FAM135B: variants seen among roughly 807,000 people sequenced by gnomAD.
The protein encoded by FAM135B is protein FAM135B.
Under a neutral mutation model 127.7 loss-of-function variants are expected in FAM135B, and 43 were observed. That is an observed-to-expected ratio of 0.34 (90% CI 0.26 to 0.43). The LOEUF (loss-of-function observed/expected upper bound fraction) is 0.43. Among genes scored for constraint, FAM135B ranks in the 20% least tolerant of loss-of-function variants. The probability of loss-of-function intolerance (pLI) is 1.00; values close to 1 mark genes in which losing one functional copy is unlikely to be tolerated. For synonymous variants in FAM135B, 670 were observed against 665.1 expected (o/e 1.01, Z -0.11); for missense variants, 1,558 against 1,725.6 (o/e 0.90, Z 1.72).
chr8:138,444,609 C>A (rs1296878482), intron 1 of FAM135B, among the ~76,000 whole-genome samples: 1 of 152,088 alleles, frequency 6.6e-6, no homozygotes, highest in Admixed American at 6.5e-5. Flanking sequence ...CCCACGAGAA[C>A]AAAGACACAA....
At chr8:138,358,676 C>A (rs948862760) in intron 2 of FAM135B, 6 of 152,150 alleles carry the variant, frequency 3.9e-5, no homozygotes, top group East Asian at 1.9e-4. Flanking sequence ...TTAAATGTCT[C>A]TGATTTTCTA....
At chr8:138,278,905 G>A (rs555663754) in intron 3 of FAM135B, among the ~76,000 whole-genome samples, 23 of 152,208 alleles carry the variant, frequency 1.5e-4, no homozygotes, top group Admixed American at 1.1e-3. Context: ...CTATACACGA[G>A]CAATATTGTT....
intron 1 of FAM135B, among the ~76,000 whole-genome samples, chr8:138,446,226 T>C (rs1836150986): frequency 6.6e-6 from 1 of 152,210 alleles, no homozygotes; most frequent in Non-Finnish European, 1.5e-5. Context: ...ATGGCCATAT[T>C]GCCCAAGGTA....
intron 12 of FAM135B, 24 bp downstream of exon 12, chr8:138,167,871 C>A: frequency 6.3e-7 from 1 of 1,591,204 alleles, no homozygotes; most frequent in South Asian, 1.1e-5. Flanking sequence ...ATTCCTGAGT[C>A]TTTCCAAAAC....
Position 138,198,881 on chromosome 8 carries a change from G to A in FAM135B, c.670-1212C>T, listed in dbSNP as rs74504144. 2.6e-4 allele frequency among the ~76,000 whole-genome samples: 40 copies of A among 152,326 alleles called. No individual in the cohort carries two copies. In the East Asian group the frequency reaches 7.7e-3, roughly 29 times the overall value. ...GTGTGGGAAAAGGCCTGGGCACAGAGATGGGAGTCCTTGAGTAGTATGCTC... is the reference window on the plus strand; with the variant it reads ...GTGTGGGAAAAGGCCTGGGCACAGAAATGGGAGTCCTTGAGTAGTATGCTC... On this transcript the variant is annotated intron_variant, in intron 7 of 19. Transcript: ENST00000395297.
intron 1 of FAM135B, among the ~76,000 whole-genome samples, chr8:138,378,728 T>C (rs1831647257): frequency 6.6e-6 from 1 of 151,184 alleles, no homozygotes; most frequent in Admixed American, 6.6e-5. Flanking sequence ...CGGCTGTGTA[T>C]GTTTGCTTTT....
At position 138,182,451 on chromosome 8, in the gene FAM135B, C is replaced by T. The variant is rs555158585; in HGVS notation, c.874-3761G>A. ...TCCACGCCTGCCACACTTTCACCCT[C>T]GTCACCTGGGTGCTAACCAAGCACC... On this transcript the variant is annotated intron_variant, in intron 9 of 19. Transcript: ENST00000395297. Among the ~76,000 whole-genome samples, 6 of 152,290 alleles carry T rather than the reference C, an allele frequency of 3.9e-5. 1 individual carries two copies. The highest frequency in any genetic ancestry group is 4.1e-4 in the South Asian group (2 of 4,832).
intron 7 of FAM135B, among the ~76,000 whole-genome samples, chr8:138,206,251 A>C (rs1271131735): frequency 3.9e-5 from 5 of 129,744 alleles, no homozygotes; most frequent in Non-Finnish European, 3.4e-5. Context: ...CATCCCCTCC[A>C]CCTACACACA....
intron 19 of FAM135B, among the ~76,000 whole-genome samples, chr8:138,136,258 A>G (rs538724551): frequency 2.0e-4 from 31 of 152,272 alleles, no homozygotes; most frequent in South Asian, 4.1e-4. Flanking sequence ...GACCTTTGGT[A>G]CACTATTTTT....
At chr8:138,140,713 TTGTACACATACATATA>T (rs1489655624) in intron 17 of FAM135B, among the ~76,000 whole-genome samples, 5 of 152,168 alleles carry the variant, frequency 3.3e-5, no homozygotes, top group African/African-American at 1.2e-4. Flanking sequence ...GTGTACATGC[TTGTACACATACATATA>T]TGTATACATA....
intron 1 of FAM135B, among the ~76,000 whole-genome samples, chr8:138,471,632 A>C (rs1837682076): frequency 6.6e-6 from 1 of 152,102 alleles, no homozygotes; most frequent in Non-Finnish European, 1.5e-5. Flanking sequence ...TTTGAAATGC[A>C]CTCCTAAAGA....
At chr8:138,477,711 G>C (rs1281665675) in intron 1 of FAM135B, among the ~76,000 whole-genome samples, 1 of 152,188 alleles carries the variant, frequency 6.6e-6, no homozygotes, top group Non-Finnish European at 1.5e-5. Flanking sequence ...TGCCCTTTTG[G>C]TCAGTGGTGG....
rs1017314948 is a variant in FAM135B at position 138,151,703 on chromosome 8, T to C, written c.2772A>G (p.Ser924=). The C allele has an allele frequency of 5.0e-6, 8 of 1,614,032 alleles. No homozygotes were observed. The highest frequency in any genetic ancestry group is 2.2e-5 in the East Asian group (1 of 44,888). Residue 924 remains serine (S), a synonymous_variant, in exon 13 of 20, where the codon TCA becomes TCG. Coordinates refer to ENST00000395297, the MANE Select transcript of FAM135B (RefSeq NM_015912.4). ...GATGTTGAGAGAGACCCTCAACCTC[T>C]GAGATGCCACTGTTGGAAAGAGCTT... ...GQQALSNSGI[S]EVEGLSQHQV...
intron 9 of FAM135B, among the ~76,000 whole-genome samples, chr8:138,180,280 G>A (rs2130995633): frequency 6.6e-6 from 1 of 152,274 alleles, no homozygotes; most frequent in East Asian, 1.9e-4. Flanking sequence ...AGAACTCAGA[G>A]ATGAACAAGA....
intron 7 of FAM135B, among the ~76,000 whole-genome samples, chr8:138,232,329 C>T (rs1819964673): frequency 6.6e-6 from 1 of 152,184 alleles, no homozygotes; most frequent in African/African-American, 2.4e-5. Context: ...CCCAGAAATA[C>T]TGGTGTGGAG....
chr8:138,232,218 A>C (rs1263680469), intron 7 of FAM135B, among the ~76,000 whole-genome samples: 1 of 151,656 alleles, frequency 6.6e-6, no homozygotes, highest in African/African-American at 2.4e-5. Flanking sequence ...GTCATGCACC[A>C]TGAGCCATGC....
chr8:138,395,137 T>C lies in FAM135B; in HGVS notation c.-19-27135A>G, dbSNP rs536673991. ...CCACGCCTGTGAGAGAAACAAGCTCTGAATCCCAAGTGCTACTTATCTAAT... is the reference window on the plus strand; with the variant it reads ...CCACGCCTGTGAGAGAAACAAGCTCCGAATCCCAAGTGCTACTTATCTAAT... On this transcript the variant is annotated intron_variant, in intron 1 of 19. Coordinates refer to ENST00000395297, the MANE Select transcript of FAM135B (RefSeq NM_015912.4). Among the ~76,000 whole-genome samples, 9 of 152,374 alleles carry C rather than the reference T, an allele frequency of 5.9e-5. No individual in the cohort carries two copies. The South Asian group carries it at 1.9e-3, about 32-fold the overall frequency.
chr8:138,281,768 C>T (rs1824284195), intron 3 of FAM135B, among the ~76,000 whole-genome samples: 1 of 152,090 alleles, frequency 6.6e-6, no homozygotes, highest in South Asian at 2.1e-4. Flanking sequence ...TCTCATGGCA[C>T]ATATTACTGT....
intron 1 of FAM135B, among the ~76,000 whole-genome samples, chr8:138,379,543 G>A (rs1425877614): frequency 1.3e-5 from 2 of 152,080 alleles, no homozygotes; most frequent in Non-Finnish European, 2.9e-5. Flanking sequence ...TGAACCACAG[G>A]ATAACCTGGA....
Sources: allele counts gnomAD v4.1 joint callset (sites outside exome capture counted in the v4.1 genomes callset), GRCh38; gene constraint gnomAD v4.1.1; transcripts MANE v1.5; gene names NCBI Gene and HGNC (gene_info 2026-07-23, HGNC 2026-07-21).